The following ZNF185 variants were observed in gnomAD, a reference collection of about 807,000 sequenced individuals.
ZNF185 encodes zinc finger protein 185 with LIM domain, also known as zinc finger protein 185.
Under a neutral mutation model 58.6 loss-of-function variants are expected in ZNF185, and 56 were observed. The observed-to-expected ratio is 0.95, with a 90% confidence interval of 0.77 to 1.19. The LOEUF (loss-of-function observed/expected upper bound fraction) is 1.19, where lower values mean the gene tolerates loss of function less well. Among genes scored for constraint, ZNF185 ranks in the 50% most tolerant of loss-of-function variants. The pLI, the probability that ZNF185 is intolerant of heterozygous loss-of-function variation, is 0.00. For missense variants in ZNF185, 627 were observed against 573.5 expected (o/e 1.09, Z -0.95); for synonymous variants, 230 against 215.9 (o/e 1.07, Z -0.57).
intron 17 of ZNF185, among the ~76,000 whole-genome samples, chrX:152,962,171 G>A (rs1349805060): frequency 8.1e-5 from 9 of 111,423 alleles, no homozygotes; most frequent in African/African-American, 9.8e-5. Flanking sequence ...TGGAGGGTAC[G>A]GGGTGAGGTG....
intron 17 of ZNF185, among the ~76,000 whole-genome samples, chrX:152,962,296 C>CT (rs2049583300): frequency 9.1e-6 from 1 of 109,955 alleles, no homozygotes; most frequent in Non-Finnish European, 1.9e-5. Context: ...GGCATTTTTT[C>CT]TTTTTTTTAA....
chrX:152,964,809 T>A (rs1450495700), intron 18 of ZNF185, among the ~76,000 whole-genome samples: 1 of 109,692 alleles, frequency 9.1e-6, no homozygotes, highest in Admixed American at 9.7e-5. Flanking sequence ...TCTGCAGACA[T>A]CAGGTCAGCA....
chrX:152,940,063 G>A (rs782734843), intron 15 of ZNF185, among the ~76,000 whole-genome samples: 5 of 111,590 alleles, frequency 4.5e-5, no homozygotes, highest in South Asian at 3.8e-4. Context: ...GATTACAGGC[G>A]TGAGCCACTG....
At chrX:152,967,875 G>T (rs1375554986) in intron 20 of ZNF185, among the ~76,000 whole-genome samples, 2 of 112,080 alleles carry the variant, frequency 1.8e-5, no homozygotes, top group Non-Finnish European at 3.8e-5. Context: ...TGAAGAAAAT[G>T]GAATAAATAG....
intron 18 of ZNF185, among the ~76,000 whole-genome samples, chrX:152,965,038 T>C (rs1360458036): frequency 9.0e-6 from 1 of 110,861 alleles, no homozygotes; most frequent in Non-Finnish European, 1.9e-5. Flanking sequence ...AGACTGACAG[T>C]GTAGGATTAA....
At chrX:152,920,684 T>C (rs2125342085) in intron 8 of ZNF185, 23 bp from the exon 10 acceptor site, 1 of 1,211,714 alleles carries the variant, frequency 8.3e-7, no homozygotes, top group Non-Finnish European at 1.1e-6. Context: ...GCCCAAAGCA[T>C]TGCCTTTCTG....
At chrX:152,955,700 G>A (rs1480296271) in intron 16 of ZNF185, among the ~76,000 whole-genome samples, 3 of 110,969 alleles carry the variant, frequency 2.7e-5, no homozygotes, top group African/African-American at 9.8e-5. Context: ...TCAGGAGATC[G>A]AGACCATCAT....
chrX:152,904,886 G>A, the ZNF185 span, among the ~76,000 whole-genome samples: 3 of 112,310 alleles, frequency 2.7e-5, no homozygotes, highest in African/African-American at 9.7e-5. Context: ...ACGACCAGGT[G>A]CAGGGGCCAG....
At position 152,915,114 on chromosome X, in the gene ZNF185, C is replaced by T. The variant is rs782414029; in HGVS notation, c.159-24C>T. ...GTGACAGGGAGTCTCGGAGCCAATC[C>T]TTCAGGATGCCTCTTTCCCCCAGAG... On this transcript the variant is annotated intron_variant, in intron 2 of 22. Transcript: ENST00000449285. 15 of 1,205,503 alleles carry T rather than the reference C, an allele frequency of 1.2e-5. No individual in the cohort carries two copies. The African/African-American group carries it at 1.9e-4, about 15-fold the overall frequency.
intron 16 of ZNF185, among the ~76,000 whole-genome samples, chrX:152,957,947 C>T (rs2049019572): frequency 8.9e-6 from 1 of 112,407 alleles, no homozygotes; most frequent in African/African-American, 3.2e-5. Flanking sequence ...TACCCTTTTG[C>T]TGGCATGCCA....
intron 16 of ZNF185, among the ~76,000 whole-genome samples, chrX:152,951,468 A>C (rs782426317): frequency 2.7e-5 from 3 of 111,683 alleles, no homozygotes; most frequent in Non-Finnish European, 5.6e-5. Context: ...TTGTCATTTT[A>C]ATTTGGGACA....
chrX:152,954,731 G>C (rs1556903203), intron 16 of ZNF185, among the ~76,000 whole-genome samples: 1 of 112,404 alleles, frequency 8.9e-6, no homozygotes. Context: ...CTCAACCAGC[G>C]AGGTAGAAGA....
At chrX:152,967,321 T>C in intron 20 of ZNF185, 83 bp downstream of exon 22, 1 of 981,276 alleles carries the variant, frequency 1.0e-6, no homozygotes, top group Non-Finnish European at 1.4e-6. Context: ...GTCTGTTTGC[T>C]TTTGTCTTCT....
chrX:152,902,400 G>C, the ZNF185 span, among the ~76,000 whole-genome samples: 196 of 113,252 alleles, frequency 1.7e-3, no homozygotes, highest in African/African-American at 6.1e-3. Flanking sequence ...GCGAAGAGTT[G>C]CTATGGAGAG....
intron 9 of ZNF185, 113 bp from the exon 11 acceptor site, chrX:152,922,060 G>A (rs926826519): frequency 1.3e-5 from 10 of 783,741 alleles, no homozygotes; most frequent in South Asian, 5.0e-5. Context: ...CCTCTTGGCC[G>A]TGATCCTGAA....
At position 152,970,429 on chromosome X, in the gene ZNF185, GCTTTT is replaced by G. The variant is rs782417545; in HGVS notation, c.1975-7_1975-3del. 5.8e-6 allele frequency: 7 copies of G among 1,205,825 alleles called. No homozygotes were observed. In the East Asian group the frequency reaches 1.8e-4, roughly 31 times the overall value. ...TGCTTTGTGTGTTGACCTCCAGCTT[GCTTTT>G]CTTTTCAGTGTGGGATTTGCAGTAA... On this transcript the variant is annotated splice_polypyrimidine_tract_variant and intron_variant, in intron 21 of 22. Coordinates refer to ENST00000449285, the Ensembl canonical transcript of ZNF185.
chrX:152,922,146 G>A (rs1556869870), intron 9 of ZNF185, 27 bp from the exon 11 acceptor site: 3 of 1,175,565 alleles, frequency 2.6e-6, no homozygotes, highest in Non-Finnish European at 2.3e-6. Context: ...AGAAGACCAC[G>A]AGCGCTGTTT....
At chrX:152,915,612 C>A (rs1556865317) in intron 3 of ZNF185, among the ~76,000 whole-genome samples, 1 of 113,002 alleles carries the variant, frequency 8.8e-6, no homozygotes, top group Non-Finnish European at 1.9e-5. Flanking sequence ...TCCTGCAGGT[C>A]ACCCTGACTG....
intron 16 of ZNF185, among the ~76,000 whole-genome samples, chrX:152,953,990 C>T (rs2048548511): frequency 8.9e-6 from 1 of 111,843 alleles, no homozygotes; most frequent in African/African-American, 3.3e-5. Context: ...ATTCACCCGC[C>T]TTGGCCTCTC....
Sources: gnomAD v4.1 joint callset for allele counts (sites outside exome capture counted in the v4.1 genomes callset) on GRCh38, gnomAD v4.1.1 for gene constraint, MANE v1.5 for transcripts, NCBI Gene and HGNC (gene_info 2026-07-23, HGNC 2026-07-21) for gene names.